The following CACNB2 variants were observed in gnomAD, a reference collection of about 807,000 sequenced individuals.
CACNB2 encodes the protein voltage-dependent L-type calcium channel subunit beta-2.
A neutral mutation model predicts 73.3 loss-of-function variants in CACNB2; 42 were observed. The observed-to-expected ratio is 0.57, with a 90% CI of 0.45 to 0.74. The LOEUF is 0.74. CACNB2 is among the 30% of genes least tolerant of loss of function. The probability of loss-of-function intolerance (pLI) is 0.00; values close to 1 mark genes in which losing one functional copy is unlikely to be tolerated. For missense variants in CACNB2, 940 were observed against 853.0 expected, an observed-to-expected ratio of 1.10 and a Z score of -1.27; for synonymous variants, 348 against 310.3, an observed-to-expected ratio of 1.12 and a Z score of -1.28.
At chr10:18,250,155 G>C (rs963493370) in intron 2 of CACNB2, among the ~76,000 whole-genome samples, 1 of 152,218 alleles carries the variant, frequency 6.6e-6, no homozygotes, top group Admixed American at 6.5e-5. Context: ...TATTGCAATA[G>C]TCTAAAAACT....
At chr10:18,491,053 T>C (rs951079001) in intron 3 of CACNB2, among the ~76,000 whole-genome samples, 2 of 152,212 alleles carry the variant, frequency 1.3e-5, no homozygotes, top group Admixed American at 6.5e-5. Context: ...GTTCCTGGTG[T>C]TCCCGTGAAA....
At chr10:18,144,498 G>A (rs983851877) in intron 1 of CACNB2, among the ~76,000 whole-genome samples, 1 of 152,174 alleles carries the variant, frequency 6.6e-6, no homozygotes, top group Non-Finnish European at 1.5e-5. Context: ...GTTTCAGCGT[G>A]AACCTGGACA....
chr10:18,377,503 C>T (rs1179074946), intron 2 of CACNB2, among the ~76,000 whole-genome samples: 1 of 152,210 alleles, frequency 6.6e-6, no homozygotes, highest in Admixed American at 6.5e-5. Flanking sequence ...TCGTACAAGA[C>T]TAAGTGTGGC....
chr10:18,484,398 A>C (rs1233101654), intron 3 of CACNB2, among the ~76,000 whole-genome samples: 13 of 306 alleles, frequency 0.042, no homozygotes, highest in Non-Finnish European at 0.062. Flanking sequence ...TGTCTCAAAG[A>C]AAAAAAAAAA....
chr10:18,269,329 T>G (rs375406486), intron 2 of CACNB2, among the ~76,000 whole-genome samples: 76 of 152,316 alleles, frequency 5.0e-4, no homozygotes, highest in African/African-American at 1.8e-3. Context: ...TCCCACTGTC[T>G]AAAACACTTT....
At chr10:18,303,771 G>C (rs1021544883) in intron 2 of CACNB2, among the ~76,000 whole-genome samples, 1 of 152,200 alleles carries the variant, frequency 6.6e-6, no homozygotes, top group Admixed American at 6.5e-5. Flanking sequence ...TGTGGCACTA[G>C]TTACTTATCT....
At chr10:18,220,217 A>G (rs189658419) in intron 2 of CACNB2, among the ~76,000 whole-genome samples, 6,853 of 54,486 alleles carry the variant, frequency 0.13, 1,465 homozygotes, top group East Asian at 0.37. Flanking sequence ...ATATATATAT[A>G]TATATATATA....
At chr10:18,442,621 T>C (rs1209952711) in intron 3 of CACNB2, among the ~76,000 whole-genome samples, 2 of 151,146 alleles carry the variant, frequency 1.3e-5, no homozygotes, top group Non-Finnish European at 2.9e-5. Flanking sequence ...GGTCAAGATA[T>C]CAAGACCATC....
At chr10:18,379,684 A>G (rs2042935555) in intron 2 of CACNB2, among the ~76,000 whole-genome samples, 2 of 152,102 alleles carry the variant, frequency 1.3e-5, no homozygotes, top group East Asian at 3.9e-4. Context: ...AGCACCCACC[A>G]TTCTACATTT....
intron 2 of CACNB2, among the ~76,000 whole-genome samples, chr10:18,233,917 A>G (rs1173536857): frequency 6.6e-6 from 1 of 152,186 alleles, no homozygotes; most frequent in Admixed American, 6.5e-5. Flanking sequence ...GTCAACTGAA[A>G]TCCCTCAAAT....
At chr10:18,209,929 G>C (rs12359899) in intron 2 of CACNB2, among the ~76,000 whole-genome samples, 1 of 152,122 alleles carries the variant, frequency 6.6e-6, no homozygotes, top group African/African-American at 2.4e-5. Context: ...ACTACCAAAA[G>C]CTCCTTGGTG....
intron 3 of CACNB2, among the ~76,000 whole-genome samples, chr10:18,406,491 C>T (rs943000552): frequency 1.3e-5 from 2 of 152,172 alleles, no homozygotes; most frequent in African/African-American, 4.8e-5. Context: ...ATTAGGTTCT[C>T]ATAGGAGTGC....
chr10:18,535,499 G>A (rs929995047), intron 11 of CACNB2, among the ~76,000 whole-genome samples: 15 of 152,056 alleles, frequency 9.9e-5, no homozygotes, highest in Admixed American at 4.6e-4. Context: ...TCGGCCGGGC[G>A]CAGTGGCTCA....
intron 2 of CACNB2, among the ~76,000 whole-genome samples, chr10:18,294,404 T>C (rs2039193028): frequency 6.6e-6 from 1 of 152,206 alleles, no homozygotes; most frequent in Non-Finnish European, 1.5e-5. Flanking sequence ...ATTCAACAAA[T>C]GTTCACAGAG....
At chr10:18,152,885 G>GTGTAGATTAAA (rs2031724480) in intron 2 of CACNB2, among the ~76,000 whole-genome samples, 1 of 152,008 alleles carries the variant, frequency 6.6e-6, no homozygotes. Context: ...TGTAGAACCC[G>GTGTAGATTAAA]TTATTAGTCA....
intron 2 of CACNB2, chr10:18,261,194 C>T: frequency 6.5e-7 from 1 of 1,549,330 alleles, no homozygotes; most frequent in Non-Finnish European, 8.7e-7. Flanking sequence ...AAGAAATGGA[C>T]CGAGGCTGTG....
intron 3 of CACNB2, among the ~76,000 whole-genome samples, chr10:18,442,075 T>C (rs2046435033): frequency 6.6e-6 from 1 of 152,162 alleles, no homozygotes; most frequent in Non-Finnish European, 1.5e-5. Context: ...CTGAATGAGG[T>C]GGACATACCA....
At chr10:18,402,186 C>G (rs1241779348) in intron 3 of CACNB2, 143 bp downstream of exon 3, 2 of 902,310 alleles carry the variant, frequency 2.2e-6, no homozygotes, top group African/African-American at 1.6e-5. Context: ...AAAATGGAGC[C>G]TAGTTTCTTC....
intron 2 of CACNB2, among the ~76,000 whole-genome samples, chr10:18,400,139 A>G (rs980304213): frequency 7.2e-5 from 11 of 152,198 alleles, no homozygotes; most frequent in Admixed American, 3.3e-4. Flanking sequence ...TTCGTGTCCT[A>G]ATTAAATGGC....
Sources: allele counts gnomAD v4.1 joint callset (sites outside exome capture counted in the v4.1 genomes callset), GRCh38; gene constraint gnomAD v4.1.1; transcripts MANE v1.5; gene names NCBI Gene and HGNC (gene_info 2026-07-23, HGNC 2026-07-21).